The following COL22A1 variants were observed in gnomAD, a reference collection of about 807,000 sequenced individuals.
The protein encoded by COL22A1 is collagen alpha-1(XXII) chain.
In COL22A1, 221 loss-of-function variants were observed where a neutral mutation model predicts 248.9. The observed-to-expected ratio is 0.89, with a 90% CI of 0.80 to 0.99. The LOEUF (loss-of-function observed/expected upper bound fraction) is 0.99. COL22A1 is among the 50% of genes least tolerant of loss of function. COL22A1 has a pLI of 0.00. For synonymous variants in COL22A1, 891 were observed against 793.4 expected, an observed-to-expected ratio of 1.12 and a Z score of -2.07; for missense variants, 2,240 against 2,179.0, an observed-to-expected ratio of 1.03 and a Z score of -0.56.
intron 4 of COL22A1, among the ~76,000 whole-genome samples, chr8:138,840,227 C>T (rs1241790069): frequency 6.6e-6 from 1 of 152,160 alleles, no homozygotes; most frequent in African/African-American, 2.4e-5. Flanking sequence ...CTGAACATGG[C>T]TGGAGCGGTT....
chr8:138,880,077 G>A (rs1290679939), intron 2 of COL22A1, among the ~76,000 whole-genome samples: 1 of 151,896 alleles, frequency 6.6e-6, no homozygotes, highest in Non-Finnish European at 1.5e-5. Flanking sequence ...TCAGATAAAT[G>A]GAAAAGAAAA....
At chr8:138,671,890 C>A (rs964353324) in intron 41 of COL22A1, among the ~76,000 whole-genome samples, 18 of 152,072 alleles carry the variant, frequency 1.2e-4, no homozygotes, top group African/African-American at 4.3e-4. Flanking sequence ...TTTCTCTAGC[C>A]TGCTTTGTTG....
At chr8:138,907,676 TAA>T (rs1815126600) in intron 1 of COL22A1, among the ~76,000 whole-genome samples, 1 of 152,166 alleles carries the variant, frequency 6.6e-6, no homozygotes, top group Non-Finnish European at 1.5e-5. Context: ...GGCAATTTAT[TAA>T]AAGAGAGATG....
intron 22 of COL22A1, 101 bp downstream of exon 22, chr8:138,751,356 AG>A (rs1832585010): frequency 1.4e-5 from 11 of 774,432 alleles, no homozygotes; most frequent in Non-Finnish European, 2.1e-5. Flanking sequence ...ATTCATTTCA[AG>A]TCCCTGAAAC....
intron 23 of COL22A1, among the ~76,000 whole-genome samples, chr8:138,735,623 C>A (rs1195526244): frequency 3.9e-5 from 6 of 152,162 alleles, no homozygotes. Context: ...GGTAATAAAA[C>A]ATAAGGCAAA....
At chr8:138,872,134 CA>C (rs1823389412) in intron 3 of COL22A1, among the ~76,000 whole-genome samples, 1 of 152,152 alleles carries the variant, frequency 6.6e-6, no homozygotes, top group Non-Finnish European at 1.5e-5. Flanking sequence ...CACAGGTGAA[CA>C]ATAAAATGGG....
chr8:138,597,816 G>T (rs1304344806), intron 61 of COL22A1, among the ~76,000 whole-genome samples: 1 of 152,232 alleles, frequency 6.6e-6, no homozygotes, highest in Non-Finnish European at 1.5e-5. Context: ...GCAGAACTTG[G>T]CAAAGCTCCA....
intron 5 of COL22A1, among the ~76,000 whole-genome samples, chr8:138,827,643 A>G (rs530676635): frequency 5.3e-4 from 81 of 151,888 alleles, no homozygotes; most frequent in African/African-American, 1.9e-3. Flanking sequence ...ACCCCCACCA[A>G]GTCCTCGGGC....
intron 13 of COL22A1, among the ~76,000 whole-genome samples, chr8:138,779,912 C>T (rs896705728): frequency 2.5e-4 from 38 of 152,294 alleles, no homozygotes; most frequent in African/African-American, 7.5e-4. Flanking sequence ...ACTACAGGCA[C>T]GCACCACTGC....
intron 4 of COL22A1, among the ~76,000 whole-genome samples, chr8:138,838,482 A>G (rs920808520): frequency 2.0e-5 from 3 of 152,140 alleles, no homozygotes; most frequent in Non-Finnish European, 2.9e-5. Context: ...AAAAATGGAC[A>G]CCTTCATCTG....
At chr8:138,611,179 GC>G (rs1818832327) in intron 56 of COL22A1, among the ~76,000 whole-genome samples, 1 of 152,228 alleles carries the variant, frequency 6.6e-6, no homozygotes, top group South Asian at 2.1e-4. Flanking sequence ...CAGAGCTAAG[GC>G]CCCTCTTGCC....
intron 22 of COL22A1, among the ~76,000 whole-genome samples, chr8:138,746,902 G>C (rs1427294120): frequency 6.6e-6 from 1 of 152,210 alleles, no homozygotes; most frequent in Non-Finnish European, 1.5e-5. Context: ...CCTTCCTGCA[G>C]TCTGTTCTCA....
At chr8:138,810,195 C>T (rs1818090831) in intron 9 of COL22A1, among the ~76,000 whole-genome samples, 1 of 152,128 alleles carries the variant, frequency 6.6e-6, no homozygotes, top group African/African-American at 2.4e-5. Context: ...AGGGAAATGA[C>T]ACAGATAATA....
intron 3 of COL22A1, among the ~76,000 whole-genome samples, chr8:138,877,428 C>T (rs1823805869): frequency 1.3e-5 from 2 of 152,182 alleles, no homozygotes; most frequent in South Asian, 4.1e-4. Flanking sequence ...AGATGAGACA[C>T]CAAGTATCTC....
At position 138,877,685 on chromosome 8, in the gene COL22A1, C is replaced by T. The variant is rs1213153511; in HGVS notation, c.658+65G>A. Reference sequence around the variant, plus strand: ...AGGATCCCTATCTGCCCGAGGACCCCTCCCGTGGGCTCAGCAGGGGGCGTC... The same window carrying T: ...AGGATCCCTATCTGCCCGAGGACCCTTCCCGTGGGCTCAGCAGGGGGCGTC... On this transcript the variant is annotated intron_variant, in intron 3 of 64. Transcript: ENST00000303045. 15 of 1,469,854 alleles carry T rather than the reference C, an allele frequency of 1.0e-5. No homozygotes were observed. The East Asian group carries it at 1.2e-4, about 12-fold the overall frequency. The allele number at this position is 1,469,854 out of a possible 1,614,324, so 91.1% of individuals were successfully genotyped here.
At chr8:138,879,185 G>T (rs1823987089) in intron 2 of COL22A1, among the ~76,000 whole-genome samples, 1 of 152,098 alleles carries the variant, frequency 6.6e-6, no homozygotes, top group Non-Finnish European at 1.5e-5. Flanking sequence ...TGTTCTCCCT[G>T]CATTTAGTTA....
intron 2 of COL22A1, among the ~76,000 whole-genome samples, chr8:138,881,182 T>C (rs999991131): frequency 1.3e-5 from 2 of 152,020 alleles, no homozygotes; most frequent in South Asian, 2.1e-4. Flanking sequence ...ATCCTGTGCA[T>C]TGGCTGTGCA....
At chr8:138,886,419 G>T (rs780861665) in intron 1 of COL22A1, among the ~76,000 whole-genome samples, 6 of 152,206 alleles carry the variant, frequency 3.9e-5, no homozygotes, top group Middle Eastern at 6.8e-3. Flanking sequence ...GAGAAAGGAA[G>T]AGCAGAGGGG....
chr8:138,626,367 CT>C (rs1360480794), intron 50 of COL22A1, 124 bp from the exon 51 acceptor site: 1 of 804,854 alleles, frequency 1.2e-6, no homozygotes, highest in African/African-American at 1.8e-5. Flanking sequence ...ACAAGGAGTG[CT>C]TCTGTATCAG....
Sources: allele counts gnomAD v4.1 joint callset (sites outside exome capture counted in the v4.1 genomes callset), GRCh38; gene constraint gnomAD v4.1.1; transcripts MANE v1.5; gene names NCBI Gene and HGNC (gene_info 2026-07-23, HGNC 2026-07-21).